The following FBXL18 variants were observed in gnomAD, a reference collection of about 807,000 sequenced individuals.
FBXL18 encodes the protein F-box and leucine rich repeat protein 18.
FBXL18 carries 36 observed loss-of-function variants against 46.0 expected under a neutral mutation model. The observed-to-expected ratio is 0.78, with a 90% CI of 0.60 to 1.03. The LOEUF (loss-of-function observed/expected upper bound fraction) is 1.03, where lower values mean the gene tolerates loss of function less well. Ranked by LOEUF, FBXL18 falls within the 50% of genes least tolerant of loss-of-function variation. FBXL18 has a pLI of 0.00. For missense variants in FBXL18, 977 were observed against 1,004.1 expected (o/e 0.97, Z 0.36); for synonymous variants, 557 against 465.3 (o/e 1.20, Z -2.54).
At position 5,468,409 on chromosome 7, in the gene FBXL18, G is replaced by T. The variant is rs117944794; in HGVS notation, c.2001-20566C>A. On this transcript the variant is annotated intron_variant and NMD_transcript_variant, in intron 4 of 6. Coordinates refer to the FBXL18 transcript ENST00000415009. ...TGGGATTACAGGCGTGAGCCACCAC[G>T]CCCAGCCACCTCAGACATTTTTTAA... Among the ~76,000 whole-genome samples the T allele has an allele frequency of 3.3e-5, 5 of 152,218 alleles. No homozygotes were observed. In the South Asian group the frequency reaches 1.0e-3, roughly 32 times the overall value.
At position 5,455,106 on chromosome 7, in the gene FBXL18, C is replaced by G. The variant is rs368543273; in HGVS notation, c.2001-7263G>C. On this transcript the variant is annotated intron_variant and NMD_transcript_variant, in intron 4 of 6. Coordinates refer to the FBXL18 transcript ENST00000415009. This position sits in a 1 kb window ranked among gnomAD's most constrained non-coding sequence, Gnocchi z 4.6. ...GTGAGGTTAGCCTCATCAGCAAACT[C>G]GAGGCTGGCTTCCTATCCTCTTGCT... Among the ~76,000 whole-genome samples the G allele has an allele frequency of 6.6e-6, 1 of 152,108 alleles. No individual in the cohort carries two copies. Among genetic ancestry groups the G allele is most frequent in the Admixed American group, 6.5e-5 (1 of 15,270 alleles).
chr7:5,490,953 C>G (rs751808035), intron 4 of FBXL18, among the ~76,000 whole-genome samples: 1 of 152,154 alleles, frequency 6.6e-6, no homozygotes, highest in Non-Finnish European at 1.5e-5. Flanking sequence ...AGTGAGACTC[C>G]GTCTCAAAAG....
At chr7:5,512,933 C>G (rs892353670) in intron 1 of FBXL18, among the ~76,000 whole-genome samples, 2 of 152,160 alleles carry the variant, frequency 1.3e-5, no homozygotes, top group Non-Finnish European at 2.9e-5. Context: ...AGGCAAGCTC[C>G]TAAATCTGCG....
At chr7:5,462,711 G>T (rs1437911485) in intron 4 of FBXL18, among the ~76,000 whole-genome samples, 2 of 151,566 alleles carry the variant, frequency 1.3e-5, no homozygotes, top group East Asian at 3.9e-4. Context: ...CAGCACTTTG[G>T]GAGGCCGAGG....
intron 3 of FBXL18, among the ~76,000 whole-genome samples, chr7:5,492,466 G>A (rs1001734008): frequency 2.0e-5 from 3 of 151,600 alleles, no homozygotes; most frequent in Admixed American, 6.6e-5. Context: ...AGGAACTCCC[G>A]GGGTGGGGGG....
At chr7:5,464,692 T>A (rs1403073433) in intron 4 of FBXL18, among the ~76,000 whole-genome samples, 98 of 50,660 alleles carry the variant, frequency 1.9e-3, no homozygotes, top group South Asian at 2.8e-3. Flanking sequence ...AACACTAAGA[T>A]GGTTAATTAA....
chr7:5,471,498 A>C (rs969008300), downstream of FBXL18, among the ~76,000 whole-genome samples: 1 of 150,322 alleles, frequency 6.7e-6, no homozygotes, highest in South Asian at 2.1e-4. Context: ...GGATGGTCTC[A>C]ATCTCCTGAC....
chr7:5,503,479 G>A (rs925264429), intron 2 of FBXL18, among the ~76,000 whole-genome samples: 7 of 152,042 alleles, frequency 4.6e-5, no homozygotes, highest in African/African-American at 1.4e-4. Flanking sequence ...TCAGCCTCCT[G>A]AGTAGCTGGA....
intron 1 of FBXL18, among the ~76,000 whole-genome samples, chr7:5,512,176 C>T (rs1173906597): frequency 3.4e-5 from 5 of 147,526 alleles, no homozygotes; most frequent in Non-Finnish European, 6.0e-5. Flanking sequence ...ACCCGGGAGG[C>T]GGAGCTTGCA....
chr7:5,512,277 G>A (rs1162515456), intron 1 of FBXL18, among the ~76,000 whole-genome samples: 17 of 104,964 alleles, frequency 1.6e-4, no homozygotes, highest in African/African-American at 5.9e-4. Flanking sequence ...AAGAGGCACT[G>A]AACCATGTGA....
intron 2 of FBXL18, among the ~76,000 whole-genome samples, chr7:5,503,999 G>A (rs1436721290): frequency 6.6e-6 from 1 of 150,780 alleles, no homozygotes; most frequent in Non-Finnish European, 1.5e-5. Flanking sequence ...GATGTACACC[G>A]AGAGGCACTG....
intron 4 of FBXL18, chr7:5,489,379 A>T (rs949710069): frequency 1.0e-4 from 53 of 511,430 alleles, no homozygotes; most frequent in African/African-American, 9.1e-4. Flanking sequence ...TCACGCCTGT[A>T]ATCCCAGCAC....
At chr7:5,498,567 T>TTTTTC (rs1260349929) in intron 3 of FBXL18, among the ~76,000 whole-genome samples, 18 of 151,596 alleles carry the variant, frequency 1.2e-4, no homozygotes, top group East Asian at 2.0e-4. Flanking sequence ...TTTGGGGTAA[T>TTTTTC]TTTTCTTTTC....
chr7:5,468,829 G>A (rs915852380), intron 4 of FBXL18, among the ~76,000 whole-genome samples: 9 of 151,816 alleles, frequency 5.9e-5, no homozygotes, highest in African/African-American at 2.2e-4. Flanking sequence ...TCAAATTCCT[G>A]GCCTCAAGTG....
intron 4 of FBXL18, among the ~76,000 whole-genome samples, chr7:5,466,397 A>T (rs1166443831): frequency 1.3e-5 from 2 of 152,046 alleles, no homozygotes; most frequent in Non-Finnish European, 2.9e-5. Flanking sequence ...GGCCTTTGCC[A>T]GCTTCTAGAA....
intron 4 of FBXL18, among the ~76,000 whole-genome samples, chr7:5,470,109 C>T (rs1436916039): frequency 6.6e-6 from 1 of 152,090 alleles, no homozygotes; most frequent in African/African-American, 2.4e-5. Flanking sequence ...GGAGCGTGTG[C>T]CTTCCCAGCA....
At chr7:5,494,164 C>G (rs372623671) in intron 3 of FBXL18, among the ~76,000 whole-genome samples, 3 of 151,094 alleles carry the variant, frequency 2.0e-5, no homozygotes, top group East Asian at 3.9e-4. Flanking sequence ...CCCAGCTACT[C>G]GGGAGGCTGA....
At chr7:5,461,600 G>T (rs568026854) in intron 4 of FBXL18, among the ~76,000 whole-genome samples, 2 of 152,140 alleles carry the variant, frequency 1.3e-5, no homozygotes, top group South Asian at 2.1e-4. Flanking sequence ...TTATGATCGT[G>T]CCACTACACT....
chr7:5,507,809 G>A (rs1406883148), intron 1 of FBXL18, among the ~76,000 whole-genome samples: 1 of 151,862 alleles, frequency 6.6e-6, no homozygotes, highest in African/African-American at 2.4e-5. Flanking sequence ...ACTCCAGCCT[G>A]GGCAACAGAG....
Sources: allele counts gnomAD v4.1 joint callset (sites outside exome capture counted in the v4.1 genomes callset), GRCh38; gene constraint gnomAD v4.1.1; non-coding constraint Gnocchi (gnomAD v3.1); transcripts MANE v1.5; gene names NCBI Gene and HGNC (gene_info 2026-07-23, HGNC 2026-07-21).